The following VTA1 variants were observed in gnomAD, a reference collection of about 807,000 sequenced individuals.
VTA1 encodes vesicle trafficking 1.
A neutral mutation model predicts 36.9 loss-of-function variants in VTA1; 24 were observed. The observed-to-expected ratio is 0.65, with a 90% CI of 0.47 to 0.91. The LOEUF is 0.91. VTA1 is among the 40% of genes least tolerant of loss of function. The pLI, the probability that VTA1 is intolerant of heterozygous loss-of-function variation, is 0.00. For synonymous variants in VTA1, 142 were observed against 130.2 expected, an observed-to-expected ratio of 1.09 and a Z score of -0.62; for missense variants, 393 against 377.2, an observed-to-expected ratio of 1.04 and a Z score of -0.35.
At chr6:142,161,700 TG>T (rs1774813299) in intron 1 of VTA1, among the ~76,000 whole-genome samples, 1 of 152,190 alleles carries the variant, frequency 6.6e-6, no homozygotes, top group Non-Finnish European at 1.5e-5. Flanking sequence ...GTATTTTCCA[TG>T]TTAGACATTA....
intron 4 of VTA1, among the ~76,000 whole-genome samples, chr6:142,171,504 A>G (rs1187090588): frequency 6.6e-6 from 1 of 152,190 alleles, no homozygotes; most frequent in African/African-American, 2.4e-5. Context: ...ATTTTATAAC[A>G]TACTTCCTGT....
chr6:142,211,990 G>A (rs1218654342), intron 7 of VTA1, among the ~76,000 whole-genome samples: 1 of 152,134 alleles, frequency 6.6e-6, no homozygotes, highest in African/African-American at 2.4e-5. Context: ...CTATTAGAAT[G>A]GCCAAAATCC....
chr6:142,215,625 C>A (rs1775992444), intron 7 of VTA1, among the ~76,000 whole-genome samples: 1 of 152,024 alleles, frequency 6.6e-6, no homozygotes, highest in Non-Finnish European at 1.5e-5. Context: ...CCATCCAAGT[C>A]AAAGGATAAT....
Position 142,206,194 on chromosome 6 carries a change from G to A in VTA1, c.778+2129G>A, listed in dbSNP as rs535334598. Among the ~76,000 whole-genome samples, 14 of 152,286 alleles carry A rather than the reference G, an allele frequency of 9.2e-5. No individual in the cohort carries two copies. In the South Asian group the frequency reaches 2.3e-3, roughly 25 times the overall value. On this transcript the variant is annotated intron_variant, in intron 7 of 7. Transcript: ENST00000367630. ...TCAATCAAAAAATACACTTAGAACT[G>A]ATAAGCAATTGTAACTGGATTGCAG... is the stretch of plus-strand genomic sequence containing the variant.
chr6:142,217,247 G>C (rs989779561), intron 7 of VTA1, among the ~76,000 whole-genome samples: 2 of 152,102 alleles, frequency 1.3e-5, no homozygotes, highest in African/African-American at 4.8e-5. Flanking sequence ...ACACTAGTAA[G>C]TATATGTGTA....
chr6:142,189,046 T>TA (rs1415716069), intron 4 of VTA1, among the ~76,000 whole-genome samples: 1 of 152,212 alleles, frequency 6.6e-6, no homozygotes, highest in African/African-American at 2.4e-5. Context: ...TTTTTTGTCT[T>TA]TAGTGAAAAT....
At chr6:142,190,829 G>A (rs746144470) in intron 5 of VTA1, among the ~76,000 whole-genome samples, 5 of 152,190 alleles carry the variant, frequency 3.3e-5, no homozygotes, top group Non-Finnish European at 7.3e-5. Context: ...TACAGAAGTA[G>A]CCATAGATAA....
intron 7 of VTA1, among the ~76,000 whole-genome samples, chr6:142,212,606 A>G (rs573495578): frequency 6.6e-6 from 1 of 152,316 alleles, no homozygotes; most frequent in African/African-American, 2.4e-5. Context: ...TCATATTGCT[A>G]TAAAGAACTA....
intron 4 of VTA1, among the ~76,000 whole-genome samples, chr6:142,180,160 T>C (rs983668365): frequency 2.0e-5 from 3 of 152,224 alleles, no homozygotes; most frequent in Non-Finnish European, 4.4e-5. Flanking sequence ...TGTTCTAATT[T>C]TATTCTGCAT....
chr6:142,206,119 A>G (rs370380630), intron 7 of VTA1, among the ~76,000 whole-genome samples: 16 of 152,264 alleles, frequency 1.1e-4, no homozygotes, highest in African/African-American at 3.6e-4. Context: ...AAAAAATAAC[A>G]CTGTCTTTGT....
intron 4 of VTA1, among the ~76,000 whole-genome samples, chr6:142,185,624 T>C (rs1353388704): frequency 3.3e-5 from 5 of 152,312 alleles, no homozygotes; most frequent in Admixed American, 3.3e-4. Flanking sequence ...TCTGGAAAAG[T>C]CAGTGCTTTA....
intron 7 of VTA1, among the ~76,000 whole-genome samples, chr6:142,214,089 CTT>C (rs140792421): frequency 7.5e-4 from 114 of 152,190 alleles, no homozygotes; most frequent in African/African-American, 2.4e-3. Flanking sequence ...CAGATAATCT[CTT>C]TGTTCATGCA....
At chr6:142,154,786 G>A (rs1319142170) in intron 1 of VTA1, among the ~76,000 whole-genome samples, 1 of 151,926 alleles carries the variant, frequency 6.6e-6, no homozygotes, top group Non-Finnish European at 1.5e-5. Context: ...ATGTCTTCAT[G>A]TTTTTGCTCA....
intron 1 of VTA1, 75 bp downstream of exon 1, chr6:142,147,474 T>TG: frequency 1.4e-6 from 2 of 1,426,016 alleles, no homozygotes; most frequent in Non-Finnish European, 1.9e-6. Context: ...CTGAGGTTCT[T>TG]GGGGCATGCC....
At chr6:142,192,653 TC>T (rs1369790598) in intron 5 of VTA1, among the ~76,000 whole-genome samples, 6 of 151,580 alleles carry the variant, frequency 4.0e-5, no homozygotes, top group Non-Finnish European at 8.8e-5. Context: ...CTCTCCCCAC[TC>T]CCCCTACCAC....
chr6:142,173,542 ACCTT>A (rs1775065397), intron 4 of VTA1, among the ~76,000 whole-genome samples: 1 of 152,170 alleles, frequency 6.6e-6, no homozygotes, highest in Non-Finnish European at 1.5e-5. Context: ...TGGGGAAGCT[ACCTT>A]CCCCTATGTA....
At chr6:142,183,232 C>T (rs1479399945) in intron 4 of VTA1, among the ~76,000 whole-genome samples, 3 of 152,192 alleles carry the variant, frequency 2.0e-5, no homozygotes, top group African/African-American at 7.2e-5. Context: ...AGATTAAAAA[C>T]TTGCCTAGGA....
intron 7 of VTA1, among the ~76,000 whole-genome samples, chr6:142,217,747 T>G (rs1203264574): frequency 1.5e-4 from 23 of 151,772 alleles, no homozygotes. Flanking sequence ...CCAAAGAAAA[T>G]GGTGGTTATT....
chr6:142,185,299 CTTATT>C (rs1775319813), intron 4 of VTA1, among the ~76,000 whole-genome samples: 2 of 152,056 alleles, frequency 1.3e-5, no homozygotes, highest in South Asian at 2.1e-4. Context: ...AATGTATTGA[CTTATT>C]TTATATATCC....
Sources: gnomAD v4.1 joint callset for allele counts (sites outside exome capture counted in the v4.1 genomes callset) on GRCh38, gnomAD v4.1.1 for gene constraint, MANE v1.5 for transcripts, NCBI Gene and HGNC (gene_info 2026-07-23, HGNC 2026-07-21) for gene names.